The following DNAH8 variants were observed in gnomAD, a reference collection of about 807,000 sequenced individuals.
The protein encoded by DNAH8 is axonemal beta dynein heavy chain 8.
In DNAH8, 382 loss-of-function variants were observed where a neutral mutation model predicts 562.1. The observed-to-expected ratio is 0.68, with a 90% CI of 0.63 to 0.74. The LOEUF (loss-of-function observed/expected upper bound fraction) is 0.74. Ranked by LOEUF, DNAH8 falls within the 30% of genes least tolerant of loss-of-function variation. DNAH8 has a pLI of 0.00. For missense variants in DNAH8, 5,203 were observed against 5,620.4 expected, an observed-to-expected ratio of 0.93 and a Z score of 2.37; for synonymous variants, 1,881 against 1,919.4, an observed-to-expected ratio of 0.98 and a Z score of 0.52.
At chr6:38,906,697 A>G (rs985586785) in intron 63 of DNAH8, among the ~76,000 whole-genome samples, 10 of 152,154 alleles carry the variant, frequency 6.6e-5, no homozygotes, top group African/African-American at 1.7e-4. Context: ...CTATCTGCAT[A>G]CTAGTGAGGA....
chr6:38,732,120 C>A (rs1299771367), intron 4 of DNAH8, among the ~76,000 whole-genome samples: 2 of 152,196 alleles, frequency 1.3e-5, no homozygotes, highest in African/African-American at 4.8e-5. Context: ...TTGCATTTGA[C>A]AGGGTAGCCT....
chr6:38,990,380 A>C (rs1230703993), intron 88 of DNAH8, among the ~76,000 whole-genome samples: 1 of 152,128 alleles, frequency 6.6e-6, no homozygotes, highest in Non-Finnish European at 1.5e-5. Flanking sequence ...TCCAGTGTTT[A>C]TGACAACGTT....
chr6:38,771,003 C>T (rs538629049), intron 12 of DNAH8, among the ~76,000 whole-genome samples: 1 of 152,142 alleles, frequency 6.6e-6, no homozygotes, highest in Admixed American at 6.5e-5. Flanking sequence ...CTTTTCTGGA[C>T]AGACATAGGT....
chr6:38,950,622 G>T (rs1339082639), intron 81 of DNAH8, among the ~76,000 whole-genome samples: 3 of 151,904 alleles, frequency 2.0e-5, no homozygotes, highest in African/African-American at 7.3e-5. Context: ...TGTATTTTTA[G>T]TAGAGATGGG....
chr6:38,925,340 TTTTA>T (rs1240105461), intron 73 of DNAH8, among the ~76,000 whole-genome samples: 3 of 113,904 alleles, frequency 2.6e-5, no homozygotes, highest in Admixed American at 9.2e-5. Flanking sequence ...TTTTATTTTA[TTTTA>T]TTTTTTTTAG....
Position 38,913,916 on chromosome 6 carries a change from G to A in DNAH8, c.9927G>A (p.Glu3309=). The A allele has an allele frequency of 3.1e-6, 5 of 1,613,210 alleles. No homozygotes were observed. The highest frequency in any genetic ancestry group is 2.2e-5 in the East Asian group (1 of 44,774). The change falls in exon 67 of 93, where the codon GAG becomes GAA. Residue 3309 remains glutamate (E), a synonymous_variant. Transcript: ENST00000327475. ...AKLSQDLAVK[E]KELAVASIKA... is the part of the protein sequence containing the mutation. ...TCTCTCAGGATCTTGCAGTCAAGGA[G>A]AAGGAGTTGGCAGTGGCTTCCATAA...
chr6:38,715,956 A>ATTTTTTTTTTTTTT (rs1562521493), intron 1 of DNAH8, among the ~76,000 whole-genome samples: 3 of 27,030 alleles, frequency 1.1e-4, no homozygotes, highest in African/African-American at 4.0e-4. Context: ...ATATATATAT[A>ATTTTTTTTTTTTTT]TATATTTTTT....
At chr6:38,743,010 T>C (rs1192652662) in intron 8 of DNAH8, among the ~76,000 whole-genome samples, 4 of 115,888 alleles carry the variant, frequency 3.5e-5, no homozygotes, top group Non-Finnish European at 7.5e-5. Context: ...TGTTGTGCTT[T>C]TTTTTTTTTT....
intron 70 of DNAH8, 145 bp downstream of exon 70, chr6:38,918,285 C>T (rs1424946322): frequency 1.8e-6 from 1 of 569,342 alleles, no homozygotes; most frequent in African/African-American, 1.9e-5. Flanking sequence ...TCTATGTCCT[C>T]TCAAAGTTTC....
chr6:38,729,551 G>C (rs1017292919), intron 3 of DNAH8, among the ~76,000 whole-genome samples: 1 of 152,176 alleles, frequency 6.6e-6, no homozygotes, highest in Non-Finnish European at 1.5e-5. Flanking sequence ...CAATAGGCAA[G>C]TTTTCTGTTC....
In DNAH8 at chr6:38,861,949, G is replaced by GTTTTTTTTT. The variant is rs10677373; in HGVS notation, c.6132-323_6132-315dup. ...AGATATTGGCAAACATGAAAACCAG[G>GTTTTTTTTT]TTTTTTTTTTTTTTTTCTGGAGAGC... On this transcript the variant is annotated intron_variant, in intron 43 of 92. Transcript: ENST00000327475. 7.4e-4 allele frequency among the ~76,000 whole-genome samples: 99 copies of GTTTTTTTTT among 134,672 alleles called. 10 individuals are homozygous for GTTTTTTTTT. The highest frequency in any genetic ancestry group is 1.8e-3 in the East Asian group (8 of 4,374). 88.4% of individuals were successfully genotyped at this position (134,672 alleles called of 152,430 possible). A position where few individuals can be genotyped will look rare whatever the true frequency, so the allele number is the denominator to read the frequency against.
At chr6:38,886,714 AT>A in intron 56 of DNAH8, 76 bp from the exon 57 acceptor site, 1 of 1,125,916 alleles carries the variant, frequency 8.9e-7, no homozygotes, top group Non-Finnish European at 1.3e-6. Flanking sequence ...TTCTAATCTC[AT>A]TTGTACTATT....
chr6:38,836,485 C>A (rs2150361546), intron 32 of DNAH8, among the ~76,000 whole-genome samples: 6 of 127,278 alleles, frequency 4.7e-5, no homozygotes, highest in Admixed American at 8.2e-5. Flanking sequence ...AAAAACCCAA[C>A]AAAACAACAA....
At chr6:38,738,110 T>A in intron 7 of DNAH8, 138 bp downstream of exon 7, 1 of 772,406 alleles carries the variant, frequency 1.3e-6, no homozygotes, top group African/African-American at 1.8e-5. Flanking sequence ...CTCAGCCAAT[T>A]TTTGGGTCTA....
chr6:38,998,763 G>A (rs1412427090), intron 88 of DNAH8, among the ~76,000 whole-genome samples: 1 of 152,182 alleles, frequency 6.6e-6, no homozygotes, highest in Admixed American at 6.5e-5. Flanking sequence ...GGCAATCTGA[G>A]CTTCTTCCCA....
chr6:38,842,342 G>A (rs977401295), intron 33 of DNAH8, 26 bp from the exon 34 acceptor site: 5 of 1,574,122 alleles, frequency 3.2e-6, no homozygotes, highest in Admixed American at 3.7e-5. Flanking sequence ...TACATGATGT[G>A]ATAACTTAGT....
rs1482374807 is a variant in DNAH8, at chr6:38,935,657, A to C, written c.11523A>C (p.Glu3841Asp). 6.2e-7 allele frequency: 1 copy of C among 1,613,270 alleles called. No individual in the cohort carries two copies. The highest frequency in any genetic ancestry group is 1.3e-5 in the African/African-American group (1 of 74,910). ...DVTFNKRKMK[E>D]LEDNLLYKLS... The stretch of plus-strand genomic sequence containing the variant: ...CTTTTAATAAGCGGAAGATGAAAGA[A>C]CTTGAAGATAACCTCCTCTATAAAT... Residue 3841 changes from glutamate to aspartate, a missense_variant, in exon 77 of 93, where the codon GAA becomes GAC. This residue lies in a region of DNAH8 where 1,399 missense variants were observed against 1,518.4 expected (regional missense o/e 0.92). Coordinates refer to ENST00000327475, the MANE Select transcript of DNAH8 (RefSeq NM_001206927.2).
In DNAH8 at chr6:39,012,310, C is replaced by T; in HGVS notation, c.13467C>T (p.Leu4489=). 6.2e-7 allele frequency: 1 copy of T among 1,613,304 alleles called. No homozygotes were observed. The highest frequency in any genetic ancestry group is 1.1e-5 in the South Asian group (1 of 91,002). Residue 4489 remains leucine, a synonymous_variant, in exon 90 of 93, where the codon CTC becomes CTT. Coordinates refer to ENST00000327475, the MANE Select transcript of DNAH8 (RefSeq NM_001206927.2). ...GAATGCAAAGAGTCATTTCAATACT[C>T]CGCAGTAGCCTGAGTGATCTAAAAT... The part of the protein sequence containing the change: ...IDRMQRVISI[L]RSSLSDLKLA...
chr6:38,992,010 G>A (rs548915076), intron 88 of DNAH8, among the ~76,000 whole-genome samples: 1 of 152,008 alleles, frequency 6.6e-6, no homozygotes, highest in Admixed American at 6.5e-5. Context: ...TTGTTGCCCA[G>A]GCTGGAGTGC....
Sources: allele counts gnomAD v4.1 joint callset (sites outside exome capture counted in the v4.1 genomes callset), GRCh38; gene constraint gnomAD v4.1.1; regional missense constraint gnomAD v4.1.1; transcripts MANE v1.5; gene names NCBI Gene and HGNC (gene_info 2026-07-23, HGNC 2026-07-21).